Variants in ADK observed in about 807,000 individuals in gnomAD.
ADK encodes adenosine kinase.
ADK carries 24 observed loss-of-function variants against 44.7 expected under a neutral mutation model. The ratio of observed to expected loss-of-function variants is 0.54; its 90% CI spans 0.39 to 0.76. The LOEUF is 0.76. Ranked by LOEUF, ADK falls within the 30% of genes least tolerant of loss-of-function variation. The probability of loss-of-function intolerance (pLI) is 0.00; values close to 1 mark genes in which losing one functional copy is unlikely to be tolerated. For missense variants in ADK, 321 were observed against 425.1 expected (o/e 0.76, Z 2.15); for synonymous variants, 128 against 142.6 (o/e 0.90, Z 0.73).
At chr10:74,184,675 A>G (rs929439385) in intron 1 of ADK, among the ~76,000 whole-genome samples, 18 of 152,144 alleles carry the variant, frequency 1.2e-4, no homozygotes, top group Admixed American at 4.6e-4. Context: ...GGCATGAGCC[A>G]TTGTCCCCGG....
At chr10:74,333,554 A>G (rs768764491) in intron 4 of ADK, among the ~76,000 whole-genome samples, 1 of 152,184 alleles carries the variant, frequency 6.6e-6, no homozygotes, top group Non-Finnish European at 1.5e-5. Context: ...GGTTTATCTT[A>G]TTTGTGAGTT....
intron 6 of ADK, among the ~76,000 whole-genome samples, chr10:74,414,088 AG>A (rs1844283411): frequency 6.6e-6 from 1 of 152,202 alleles, no homozygotes; most frequent in Admixed American, 6.5e-5. Flanking sequence ...TCACTATAAA[AG>A]ATATAAAAGT....
intron 4 of ADK, among the ~76,000 whole-genome samples, chr10:74,338,231 A>G (rs897517952): frequency 2.0e-5 from 3 of 152,202 alleles, no homozygotes; most frequent in Non-Finnish European, 2.9e-5. Flanking sequence ...GCAAATTAAA[A>G]CTATAAGATA....
chr10:74,180,395 C>T (rs1267432846), intron 1 of ADK, among the ~76,000 whole-genome samples: 5 of 149,270 alleles, frequency 3.3e-5, no homozygotes, highest in Non-Finnish European at 7.4e-5. Context: ...CTGCCTCACG[C>T]CCAGCTAATT....
chr10:74,651,612 A>G (rs1461786737), intron 9 of ADK, among the ~76,000 whole-genome samples: 1 of 152,198 alleles, frequency 6.6e-6, no homozygotes, highest in Non-Finnish European at 1.5e-5. Context: ...AAACAGAATC[A>G]GTGATATGTT....
chr10:74,301,513 CAA>C (rs34310248), intron 3 of ADK, among the ~76,000 whole-genome samples: 21 of 56,738 alleles, frequency 3.7e-4, no homozygotes, highest in African/African-American at 6.8e-4. Flanking sequence ...GACTCTGTCT[CAA>C]AAAAAAAAAA....
intron 4 of ADK, among the ~76,000 whole-genome samples, chr10:74,361,678 A>C (rs1842340892): frequency 6.6e-6 from 1 of 152,222 alleles, no homozygotes; most frequent in Non-Finnish European, 1.5e-5. Context: ...TACAATATTA[A>C]TATAACACTC....
intron 9 of ADK, among the ~76,000 whole-genome samples, chr10:74,605,401 A>G (rs1852283785): frequency 6.6e-6 from 1 of 152,166 alleles, no homozygotes; most frequent in South Asian, 2.1e-4. Context: ...AGTTCGTATT[A>G]TTTTAAGATA....
At chr10:74,307,366 G>A (rs2132542729) in intron 3 of ADK, among the ~76,000 whole-genome samples, 2 of 152,298 alleles carry the variant, frequency 1.3e-5, no homozygotes, top group Middle Eastern at 6.8e-3. Flanking sequence ...TTGTTTCTCT[G>A]TCTTCATGCT....
intron 3 of ADK, among the ~76,000 whole-genome samples, chr10:74,228,858 T>C (rs1208794029): frequency 6.6e-6 from 1 of 152,228 alleles, no homozygotes; most frequent in Non-Finnish European, 1.5e-5. Context: ...GTATCCATAC[T>C]ACTTAACACA....
rs150823909 is a variant in ADK, at chr10:74,675,572, A to G, written c.964+5303A>G. ...TACTCTTGGAAATGGATACAATTCT[A>G]TAATCTCTAAGTATGATTTCCTAAT... On this transcript the variant is annotated intron_variant, in intron 10 of 10. Coordinates refer to ENST00000539909, the MANE Select transcript of ADK (RefSeq NM_006721.4). 1.1e-4 allele frequency among the ~76,000 whole-genome samples: 16 copies of G among 152,352 alleles called. No homozygotes were observed. In the East Asian group the frequency reaches 2.5e-3, roughly 24 times the overall value.
At chr10:74,622,095 A>G (rs1010127876) in intron 9 of ADK, among the ~76,000 whole-genome samples, 6 of 152,078 alleles carry the variant, frequency 3.9e-5, no homozygotes, top group Admixed American at 3.9e-4. Flanking sequence ...TGAGTAGAGT[A>G]TTTCCTCTCC....
intron 7 of ADK, among the ~76,000 whole-genome samples, chr10:74,541,412 A>T (rs1234115297): frequency 6.6e-6 from 1 of 152,196 alleles, no homozygotes; most frequent in East Asian, 1.9e-4. Context: ...ATCCAGATCC[A>T]GTCCAGGTTG....
chr10:74,317,119 T>C (rs1840651457), intron 4 of ADK, among the ~76,000 whole-genome samples: 1 of 152,208 alleles, frequency 6.6e-6, no homozygotes, highest in Non-Finnish European at 1.5e-5. Context: ...AATCATGTTT[T>C]TGAAGATTTT....
At chr10:74,205,338 A>C (rs1843553472) in intron 2 of ADK, among the ~76,000 whole-genome samples, 1 of 152,146 alleles carries the variant, frequency 6.6e-6, no homozygotes, top group South Asian at 2.1e-4. Context: ...TTTATTGCAG[A>C]ATTAAGTAGT....
intron 6 of ADK, among the ~76,000 whole-genome samples, chr10:74,459,337 T>G (rs1233739508): frequency 6.6e-6 from 1 of 151,900 alleles, no homozygotes; most frequent in Non-Finnish European, 1.5e-5. Flanking sequence ...ATGCAAAAAT[T>G]TAACAGATTT....
rs547590780 is a variant in ADK, at chr10:74,353,039, T to C, written c.273+38294T>C. On this transcript the variant is annotated intron_variant, in intron 4 of 10. Transcript: ENST00000539909. ...CAAGGATCTAGAACCAGACATACCATTTGACCGAGCAATCCCATTACTGGG... is the reference window on the plus strand; with the variant it reads ...CAAGGATCTAGAACCAGACATACCACTTGACCGAGCAATCCCATTACTGGG... Among the ~76,000 whole-genome samples, 99 of 152,318 alleles carry C rather than the reference T, an allele frequency of 6.5e-4. 1 individual carries two copies. The South Asian group carries it at 0.019, about 30-fold the overall frequency.
At chr10:74,673,708 C>T (rs1855272612) in intron 10 of ADK, among the ~76,000 whole-genome samples, 1 of 152,220 alleles carries the variant, frequency 6.6e-6, no homozygotes, top group South Asian at 2.1e-4. Flanking sequence ...TGCACCCACA[C>T]TCATGGCACC....
chr10:74,269,520 G>A (rs1479491516), intron 3 of ADK, among the ~76,000 whole-genome samples: 2 of 152,118 alleles, frequency 1.3e-5, no homozygotes, highest in African/African-American at 4.8e-5. Context: ...AGTGTATACT[G>A]ACCTGGCTGG....
Sources: gnomAD v4.1 joint callset for allele counts (sites outside exome capture counted in the v4.1 genomes callset) on GRCh38, gnomAD v4.1.1 for gene constraint, MANE v1.5 for transcripts, NCBI Gene and HGNC (gene_info 2026-07-23, HGNC 2026-07-21) for gene names.